The following FHOD3 variants were observed in gnomAD, a reference collection of about 807,000 sequenced individuals.
FHOD3 encodes the protein FH1/FH2 domain-containing protein 3.
Under a neutral mutation model 173.0 loss-of-function variants are expected in FHOD3, and 90 were observed. The observed-to-expected ratio is 0.52, with a 90% CI of 0.44 to 0.62. The LOEUF (loss-of-function observed/expected upper bound fraction) is 0.62. FHOD3 is among the 20% of genes least tolerant of loss of function. FHOD3 has a pLI of 0.00. For synonymous variants in FHOD3, 828 were observed against 823.0 expected, an observed-to-expected ratio of 1.01 and a Z score of -0.10; for missense variants, 1,945 against 2,034.7, an observed-to-expected ratio of 0.96 and a Z score of 0.85.
chr18:36,324,291 A>G (rs1452457400), intron 1 of FHOD3, among the ~76,000 whole-genome samples: 1 of 152,228 alleles, frequency 6.6e-6, no homozygotes. Flanking sequence ...GGAGATAACA[A>G]AGGAAAATAT....
At position 36,500,909 on chromosome 18, in the gene FHOD3, T is replaced by C. The variant is rs568514553; in HGVS notation, c.338-1023T>C. 2.0e-4 allele frequency among the ~76,000 whole-genome samples: 31 copies of C among 152,272 alleles called. No homozygotes were observed. In the South Asian group the frequency reaches 4.3e-3, roughly 21 times the overall value. The stretch of plus-strand genomic sequence containing the variant: ...CTGAGCCACCTGGATCAGGACCAAG[T>C]GTGGGTGCTGGGAGGCTAAGCGGGA... On this transcript the variant is annotated intron_variant, in intron 3 of 28. Coordinates refer to ENST00000590592, the MANE Select transcript of FHOD3 (RefSeq NM_001281740.3).
intron 14 of FHOD3, among the ~76,000 whole-genome samples, chr18:36,678,449 A>G (rs1327430747): frequency 6.7e-6 from 1 of 149,554 alleles, no homozygotes; most frequent in African/African-American, 2.5e-5. Context: ...AGGTGGGAGA[A>G]TCACTTGAGC....
intron 1 of FHOD3, among the ~76,000 whole-genome samples, chr18:36,353,536 GTAACC>G (rs2046229361): frequency 6.6e-6 from 1 of 152,172 alleles, no homozygotes; most frequent in Non-Finnish European, 1.5e-5. Flanking sequence ...ATGTTTTAAA[GTAACC>G]ACATATTTGT....
intron 1 of FHOD3, among the ~76,000 whole-genome samples, chr18:36,329,830 G>A (rs953058143): frequency 2.0e-5 from 3 of 152,264 alleles, no homozygotes; most frequent in Non-Finnish European, 4.4e-5. Context: ...TAAGCAGGGT[G>A]CCCAGGTTAC....
intron 14 of FHOD3, among the ~76,000 whole-genome samples, chr18:36,673,047 C>G (rs576900255): frequency 1.3e-5 from 2 of 152,184 alleles, no homozygotes; most frequent in South Asian, 4.2e-4. Context: ...ATTAGATAAA[C>G]AAAGTGCCAA....
chr18:36,678,370 C>G (rs1195717454), intron 14 of FHOD3, among the ~76,000 whole-genome samples: 1 of 151,718 alleles, frequency 6.6e-6, no homozygotes, highest in East Asian at 1.9e-4. Flanking sequence ...AACCCCAACT[C>G]TACAAAAAAC....
intron 3 of FHOD3, among the ~76,000 whole-genome samples, chr18:36,418,910 T>C (rs929587804): frequency 1.3e-5 from 2 of 152,048 alleles, no homozygotes; most frequent in African/African-American, 4.8e-5. Flanking sequence ...TGAGACCCTG[T>C]CTAAAAATAA....
intron 10 of FHOD3, among the ~76,000 whole-genome samples, chr18:36,626,473 T>C (rs375911386): frequency 7.9e-5 from 12 of 152,184 alleles, no homozygotes; most frequent in African/African-American, 2.9e-4. Flanking sequence ...CCCAGAGTGG[T>C]TCTATAGTAT....
At chr18:36,301,429 T>TA (rs1415738608) in intron 1 of FHOD3, among the ~76,000 whole-genome samples, 2 of 152,334 alleles carry the variant, frequency 1.3e-5, no homozygotes, top group East Asian at 1.9e-4. Flanking sequence ...TACATTATTT[T>TA]AAAAAACTTC....
At chr18:36,779,078 T>C (rs1600696022) in intron 28 of FHOD3, 1 of 229,660 alleles carries the variant, frequency 4.4e-6, no homozygotes. Flanking sequence ...ACACTCCTCA[T>C]ACTGGGTAGA....
chr18:36,298,280 G>T (rs1319904233), intron 1 of FHOD3, among the ~76,000 whole-genome samples: 1 of 151,104 alleles, frequency 6.6e-6, no homozygotes, highest in Non-Finnish European at 1.5e-5. Flanking sequence ...GATGGAGAAG[G>T]CTCCCCCGAG....
chr18:36,475,699 A>G (rs1708705), intron 3 of FHOD3, among the ~76,000 whole-genome samples: 1 of 151,882 alleles, frequency 6.6e-6, no homozygotes, highest in Admixed American at 6.6e-5. Context: ...AATGTATACC[A>G]AAATCTATAG....
chr18:36,318,869 T>C (rs986365596), intron 1 of FHOD3, among the ~76,000 whole-genome samples: 3 of 152,192 alleles, frequency 2.0e-5, no homozygotes, highest in Admixed American at 2.0e-4. Flanking sequence ...TTGTCATAAA[T>C]ATCCCTTGTT....
At chr18:36,425,903 CTT>C (rs576258914) in intron 3 of FHOD3, among the ~76,000 whole-genome samples, 6 of 142,704 alleles carry the variant, frequency 4.2e-5, no homozygotes, top group Admixed American at 7.0e-5. Context: ...TTCTTTCTTT[CTT>C]TTTTTTTTTT....
intron 21 of FHOD3, among the ~76,000 whole-genome samples, chr18:36,741,476 A>T (rs991901834): frequency 6.6e-6 from 1 of 152,188 alleles, no homozygotes; most frequent in African/African-American, 2.4e-5. Context: ...GAGAGATTCT[A>T]TAGCCCAGGT....
chr18:36,429,024 G>A (rs1202876441), intron 3 of FHOD3, among the ~76,000 whole-genome samples: 3 of 152,170 alleles, frequency 2.0e-5, no homozygotes, highest in Admixed American at 6.5e-5. Flanking sequence ...GTCATTGCTT[G>A]GAGTAAAGAT....
At chr18:36,721,368 G>A (rs932411728) in intron 19 of FHOD3, among the ~76,000 whole-genome samples, 1 of 152,152 alleles carries the variant, frequency 6.6e-6, no homozygotes, top group African/African-American at 2.4e-5. Context: ...TGGCCATGAT[G>A]GGTGGCTCAT....
intron 17 of FHOD3, among the ~76,000 whole-genome samples, chr18:36,695,716 G>T (rs572089663): frequency 1.3e-5 from 2 of 152,194 alleles, no homozygotes; most frequent in African/African-American, 4.8e-5. Flanking sequence ...AGAAAGAACC[G>T]CAGAGGTTTC....
intron 8 of FHOD3, among the ~76,000 whole-genome samples, chr18:36,603,789 C>T (rs1218730470): frequency 6.6e-6 from 1 of 152,192 alleles, no homozygotes; most frequent in Non-Finnish European, 1.5e-5. Flanking sequence ...CAGGCGTGAG[C>T]CACTGTGCCT....
Sources: allele counts gnomAD v4.1 joint callset (sites outside exome capture counted in the v4.1 genomes callset), GRCh38; gene constraint gnomAD v4.1.1; transcripts MANE v1.5; gene names NCBI Gene and HGNC (gene_info 2026-07-23, HGNC 2026-07-21).